RYR1: variants seen among roughly 807,000 people sequenced by gnomAD.
The protein encoded by RYR1 is central core disease of muscle.
A neutral mutation model predicts 583.5 loss-of-function variants in RYR1; 342 were observed. That is an observed-to-expected ratio of 0.59 (90% CI 0.54 to 0.64). The LOEUF (loss-of-function observed/expected upper bound fraction) is 0.64, where lower values mean the gene tolerates loss of function less well. Among genes scored for constraint, RYR1 ranks in the 30% least tolerant of loss-of-function variants. RYR1 has a pLI of 0.00. For missense variants in RYR1, 6,032 were observed against 6,917.2 expected, an observed-to-expected ratio of 0.87 and a Z score of 4.54; for synonymous variants, 2,791 against 2,822.5, an observed-to-expected ratio of 0.99 and a Z score of 0.35.
chr19:38,484,411 C>T (rs1283444575), intron 33 of RYR1, among the ~76,000 whole-genome samples: 2 of 150,034 alleles, frequency 1.3e-5, no homozygotes, highest in South Asian at 4.2e-4. Flanking sequence ...TCCCTTCCTT[C>T]CTTCCTTCCC....
chr19:38,494,691 A>G (rs1158836244), intron 39 of RYR1, 66 bp downstream of exon 39: 8 of 1,594,178 alleles, frequency 5.0e-6, no homozygotes, highest in African/African-American at 2.7e-5. Flanking sequence ...TCAGGATACA[A>G]TAACATTCCC....
intron 58 of RYR1, among the ~76,000 whole-genome samples, chr19:38,509,348 C>T (rs1454773478): frequency 6.6e-6 from 1 of 152,116 alleles, no homozygotes. Flanking sequence ...ACTGCACAGA[C>T]CTCCAAGTTG....
intron 27 of RYR1, among the ~76,000 whole-genome samples, chr19:38,469,731 A>T (rs1010066416): frequency 5.3e-5 from 8 of 152,022 alleles, no homozygotes; most frequent in African/African-American, 1.9e-4. Flanking sequence ...AAATAAGGGA[A>T]ACCCTGCCTG....
In RYR1 at chr19:38,502,711, C is replaced by T. The variant is rs199802423; in HGVS notation, c.7819C>T (p.Leu2607Phe). 3.7e-5 allele frequency: 57 copies of T among 1,556,002 alleles called. No homozygotes were observed. The East Asian group carries it at 3.9e-4, about 11-fold the overall frequency. The change falls in exon 48 of 106, where the codon CTC (leucine) becomes TTC (phenylalanine). Residue 2607 changes from leucine (L) to phenylalanine (F), a missense_variant. Around this residue, in one of 11 missense-constraint regions of RYR1, gnomAD observed 250 missense variants for 162.3 expected, o/e 1.54. Coordinates refer to ENST00000359596, the MANE Select transcript of RYR1 (RefSeq NM_000540.3). The part of the protein sequence containing the change: ...KAQRDVIEDC[L>F]MSLCRYIRPS... Reference sequence around the variant, plus strand: ...GCAGCGTGACGTCATCGAGGACTGCCTCATGTCGCTCTGCAGGTGGAGCGG... The same window carrying T: ...GCAGCGTGACGTCATCGAGGACTGCTTCATGTCGCTCTGCAGGTGGAGCGG...
chr19:38,484,957 C>A (rs1969209160), intron 33 of RYR1, among the ~76,000 whole-genome samples: 1 of 152,066 alleles, frequency 6.6e-6, no homozygotes, highest in Non-Finnish European at 1.5e-5. Context: ...GGCAACAGAG[C>A]AAGACCCCAT....
Position 38,578,030 on chromosome 19 carries a change from C to T in RYR1, c.14285C>T (p.Pro4762Leu), listed in dbSNP as rs146793368. ...CACAATGAGCGCAAGCCCAACCCGCCGCCAGGGCTGCTGACCTGGTGAGCC... is the reference window on the plus strand; with the variant it reads ...CACAATGAGCGCAAGCCCAACCCGCTGCCAGGGCTGCTGACCTGGTGAGCC... ...TAHNERKPNP[P>L]PGLLTWLMSI... The change falls in exon 98 of 106, where the codon CCG (proline) becomes CTG (leucine). Residue 4762 changes from proline to leucine, a missense_variant. Around this residue, in one of 11 missense-constraint regions of RYR1, gnomAD observed 188 missense variants for 215.6 expected, o/e 0.87. Transcript: ENST00000359596. The T allele has an allele frequency of 9.3e-6, 15 of 1,614,120 alleles. No individual in the cohort carries two copies. Among genetic ancestry groups the T allele is most frequent in the Admixed American group, 1.7e-5 (1 of 60,008 alleles).
chr19:38,506,279 C>A (rs764826729), intron 54 of RYR1, 24 bp from the exon 55 acceptor site: 19 of 1,613,174 alleles, frequency 1.2e-5, no homozygotes, highest in Non-Finnish European at 1.6e-5. Context: ...CAGCCCACCT[C>A]CCATCTTCCC....
chr19:38,533,783 CAAAA>C (rs1307585464), intron 78 of RYR1, among the ~76,000 whole-genome samples: 1 of 76,298 alleles, frequency 1.3e-5, no homozygotes, highest in Admixed American at 1.4e-4. Context: ...GACTCCATCT[CAAAA>C]AAAAAAAAAA....
chr19:38,461,318 G>C (rs1457924793), intron 20 of RYR1, among the ~76,000 whole-genome samples: 1 of 152,250 alleles, frequency 6.6e-6, no homozygotes, highest in East Asian at 1.9e-4. Context: ...TTTAAAAGGA[G>C]TGAGAGAGGT....
At chr19:38,505,979 A>G in intron 54 of RYR1, 33 bp downstream of exon 54, 1 of 1,529,582 alleles carries the variant, frequency 6.5e-7, no homozygotes, top group Non-Finnish European at 8.9e-7. Context: ...GGGCAGGGGC[A>G]CGATGGGGGG....
chr19:38,475,407 C>T lies in RYR1; in HGVS notation c.4250C>T (p.Ala1417Val), dbSNP rs779275405. 35 of 1,613,918 alleles carry T rather than the reference C, an allele frequency of 2.2e-5. No homozygotes were observed. Among genetic ancestry groups the T allele is most frequent in the Non-Finnish European group, 1.9e-5 (23 of 1,180,028 alleles). Residue 1417 changes from alanine to valine, a missense_variant, in exon 29 of 106, where the codon GCA becomes GTA. Transcript: ENST00000359596. ...CGACTCCCTCACGACGTGGTGCCTG[C>T]AGACAACCGCGATGACCCCGAGATC... ...LPRLPHDVVP[A>V]DNRDDPEIIL...
At chr19:38,576,440 C>A (rs1335341110) in intron 97 of RYR1, among the ~76,000 whole-genome samples, 1 of 151,264 alleles carries the variant, frequency 6.6e-6, no homozygotes, top group Admixed American at 6.6e-5. Flanking sequence ...AAGAGTGAGA[C>A]CTCATCTCAA....
chr19:38,522,910 C>A, intron 67 of RYR1, 118 bp from the exon 68 acceptor site: 1 of 842,148 alleles, frequency 1.2e-6, no homozygotes, highest in Non-Finnish European at 1.9e-6. Flanking sequence ...CCCTAGAAAC[C>A]CCATCCCTCT....
chr19:38,566,868 G>A (rs368659594), intron 91 of RYR1, 43 bp from the exon 92 acceptor site: 75 of 1,575,894 alleles, frequency 4.8e-5, no homozygotes, highest in Admixed American at 1.9e-4. Context: ...CCTGAGAAGC[G>A]CTTAGGGTGA....
chr19:38,554,096 T>C (rs977582441), intron 89 of RYR1, among the ~76,000 whole-genome samples: 1 of 152,036 alleles, frequency 6.6e-6, no homozygotes, highest in African/African-American at 2.4e-5. Context: ...ACATTTTACA[T>C]TTGTACATGT....
Position 38,492,569 on chromosome 19 carries a change from A to G in RYR1, c.6207A>G (p.Lys2069=), listed in dbSNP as rs920135778. 3.0e-5 allele frequency: 49 copies of G among 1,607,428 alleles called. No individual in the cohort carries two copies. The highest frequency in any genetic ancestry group is 2.2e-4 in the Admixed American group (13 of 59,752). ...GCCGCCTCATGAGCCTGTTGGAGAA[A>G]GTGCGGCTGGTGAAGAAGAAGGAAG... ...LGSRLMSLLE[K]VRLVKKKEEK... is the part of the protein sequence containing the mutation. Residue 2069 remains lysine, a synonymous_variant, in exon 38 of 106, where the codon AAA becomes AAG. Transcript: ENST00000359596.
In RYR1 at chr19:38,499,153, C is replaced by A. The variant is rs1217595162; in HGVS notation, c.6937C>A (p.Leu2313Ile). ...CTGTGGCCTCCAGAGCTGCCCCATG[C>A]TTGTGGCCAAAGGGTACCCAGACAT... Reference protein sequence around the residue: ...AGCGLQSCPMLVAKGYPDIGW... With the variant: ...AGCGLQSCPMIVAKGYPDIGW... Residue 2313 changes from leucine to isoleucine, a missense_variant, in exon 43 of 106, where the codon CTT becomes ATT. Physicochemically the swap from Leu to Ile is conservative, Grantham distance 5. Transcript: ENST00000359596. This position sits in a 1 kb window ranked among gnomAD's most constrained non-coding sequence, Gnocchi z 7.3. 4 of 1,614,072 alleles carry A rather than the reference C, an allele frequency of 2.5e-6. No individual in the cohort carries two copies. Among genetic ancestry groups the A allele is most frequent in the African/African-American group, 1.3e-5 (1 of 74,934 alleles).
At position 38,439,004 on chromosome 19, in the gene RYR1, G is replaced by A. The variant is rs533377272; in HGVS notation, c.46-1741G>A. On this transcript the variant is annotated intron_variant, in intron 1 of 105. Transcript: ENST00000359596. ...GAGATTTGCAGGTGTGAACCACCGC[G>A]TCCAGCCAAGGCAGGGATCTTGATC... Among the ~76,000 whole-genome samples, 27 of 151,894 alleles carry A rather than the reference G, an allele frequency of 1.8e-4. 2 individuals are homozygous for A. Among genetic ancestry groups the A allele is most frequent in the African/African-American group, 6.0e-4 (25 of 41,370 alleles).
chr19:38,580,478 G>C lies in RYR1; in HGVS notation c.14620G>C (p.Asp4874His), dbSNP rs746038282. ...YNKSEDEDEP[D>H]MKCDDMMTCY... is the part of the protein sequence containing the mutation. ...CAAGAGCGAGGATGAGGATGAACCTGACATGAAGTGTGATGACATGATGAC... is the reference window on the plus strand; with the variant it reads ...CAAGAGCGAGGATGAGGATGAACCTCACATGAAGTGTGATGACATGATGAC... Residue 4874 changes from aspartate (D) to histidine (H), a missense_variant, in exon 101 of 106, where the codon GAC becomes CAC. Physicochemically the swap from Asp to His is moderately conservative, Grantham distance 81 (BLOSUM62 -1). Coordinates refer to ENST00000359596, the MANE Select transcript of RYR1 (RefSeq NM_000540.3). The C allele has an allele frequency of 1.9e-6, 3 of 1,614,152 alleles. No homozygotes were observed. The highest frequency in any genetic ancestry group is 1.7e-6 in the Non-Finnish European group (2 of 1,180,042).
Sources: gnomAD v4.1 joint callset for allele counts (sites outside exome capture counted in the v4.1 genomes callset) on GRCh38, gnomAD v4.1.1 for gene constraint, gnomAD v4.1.1 regional missense constraint, Gnocchi (gnomAD v3.1) non-coding constraint, MANE v1.5 for transcripts, NCBI Gene and HGNC (gene_info 2026-07-23, HGNC 2026-07-21) for gene names.